The following ST7 variants were observed in gnomAD, a reference collection of about 807,000 sequenced individuals.
The protein encoded by ST7 is suppressor of tumorigenicity 7 protein.
A neutral mutation model predicts 78.7 loss-of-function variants in ST7; 28 were observed. The ratio of observed to expected loss-of-function variants is 0.36; its 90% CI spans 0.26 to 0.49. ST7 has a LOEUF of 0.49. ST7 is among the 20% of genes least tolerant of loss of function. The pLI is 0.99. For synonymous variants in ST7, 247 were observed against 249.6 expected (o/e 0.99, Z 0.10); for missense variants, 418 against 696.0 (o/e 0.60, Z 4.49).
intron 1 of ST7, among the ~76,000 whole-genome samples, chr7:117,083,587 T>G (rs1363735453): frequency 6.6e-6 from 1 of 152,088 alleles, no homozygotes; most frequent in Non-Finnish European, 1.5e-5. Context: ...AATAAGAACA[T>G]AGAATAGAAT....
At chr7:117,087,126 C>G (rs541145686) in intron 1 of ST7, among the ~76,000 whole-genome samples, 1 of 152,256 alleles carries the variant, frequency 6.6e-6, no homozygotes, top group Non-Finnish European at 1.5e-5. Flanking sequence ...AAAAGAAAAA[C>G]CTAACTTTGG....
intron 3 of ST7, 123 bp from the exon 4 acceptor site, chr7:117,129,670 C>T: frequency 1.3e-6 from 1 of 760,290 alleles, no homozygotes; most frequent in Non-Finnish European, 2.2e-6. Flanking sequence ...ACATTGCTTC[C>T]CATGTAAAGG....
rs1416939799 is a variant in ST7, at chr7:117,129,271, T to C, written c.395-522T>C. ...CCTACAATATGGTAATCTTATTAATTTTCTTATTCCTTTCCTGTAAGGCAA... is the reference window on the plus strand; with the variant it reads ...CCTACAATATGGTAATCTTATTAATCTTCTTATTCCTTTCCTGTAAGGCAA... On this transcript the variant is annotated intron_variant, in intron 3 of 15. Transcript: ENST00000323984. Among the ~76,000 whole-genome samples the C allele has an allele frequency of 3.3e-5, 5 of 151,914 alleles. No homozygotes were observed. The East Asian group carries it at 9.7e-4, about 29-fold the overall frequency.
At chr7:117,123,329 G>A (rs1033751749) in intron 3 of ST7, among the ~76,000 whole-genome samples, 3 of 152,154 alleles carry the variant, frequency 2.0e-5, no homozygotes, top group Non-Finnish European at 2.9e-5. Flanking sequence ...TGGGATGGGG[G>A]TGGTGGAGTG....
chr7:117,120,038 C>T (rs1803240217), intron 3 of ST7, among the ~76,000 whole-genome samples: 1 of 151,972 alleles, frequency 6.6e-6, no homozygotes, highest in Admixed American at 6.5e-5. Flanking sequence ...GGGTGATCCT[C>T]CTACCTCTCA....
intron 1 of ST7, among the ~76,000 whole-genome samples, chr7:117,028,861 C>G (rs971997974): frequency 5.9e-5 from 9 of 152,028 alleles, no homozygotes; most frequent in Non-Finnish European, 1.2e-4. Flanking sequence ...ACTTAGGGCT[C>G]AGCTGGGGTT....
At chr7:117,203,275 C>A (rs571939737) in intron 12 of ST7, among the ~76,000 whole-genome samples, 12 of 152,294 alleles carry the variant, frequency 7.9e-5, no homozygotes, top group East Asian at 1.9e-4. Flanking sequence ...AACTGTGTAA[C>A]CCTGAACAAG....
chr7:116,976,466 C>T (rs1415603841), intron 1 of ST7, among the ~76,000 whole-genome samples: 4 of 152,186 alleles, frequency 2.6e-5, no homozygotes, highest in African/African-American at 9.6e-5. Context: ...TGCTCCATGT[C>T]TCTCATTCTC....
intron 1 of ST7, among the ~76,000 whole-genome samples, chr7:117,065,204 CTTTTTT>C (rs11363365): frequency 3.3e-5 from 3 of 91,820 alleles, no homozygotes; most frequent in Non-Finnish European, 4.4e-5. Flanking sequence ...TGGTTCAAGT[CTTTTTT>C]TTTTTTTTTT....
intron 1 of ST7, among the ~76,000 whole-genome samples, chr7:117,087,857 A>G (rs1800282217): frequency 6.6e-6 from 1 of 152,170 alleles, no homozygotes; most frequent in African/African-American, 2.4e-5. Flanking sequence ...CTCTGGTGGT[A>G]TTATAGGCGC....
chr7:116,958,162 ATTTTTT>A (rs34132237), intron 1 of ST7, among the ~76,000 whole-genome samples: 52 of 95,632 alleles, frequency 5.4e-4, no homozygotes, highest in Middle Eastern at 8.6e-3. Context: ...TGCGTGGCTA[ATTTTTT>A]TTTTTTTTTT....
chr7:117,005,754 A>T (rs549845951), intron 1 of ST7, among the ~76,000 whole-genome samples: 1 of 152,320 alleles, frequency 6.6e-6, no homozygotes, highest in South Asian at 2.1e-4. Context: ...CTGGGAAAAA[A>T]TCTAAATTGA....
chr7:117,029,436 G>A (rs1050948662), intron 1 of ST7, among the ~76,000 whole-genome samples: 1 of 151,944 alleles, frequency 6.6e-6, no homozygotes, highest in African/African-American at 2.4e-5. Context: ...TAAAAATGAG[G>A]TTGTCTTCTT....
chr7:117,003,097 T>A (rs1381850662), intron 1 of ST7, among the ~76,000 whole-genome samples: 1 of 151,918 alleles, frequency 6.6e-6, no homozygotes, highest in Non-Finnish European at 1.5e-5. Context: ...GTGCTGGGAT[T>A]ACAGGCGTGA....
intron 1 of ST7, among the ~76,000 whole-genome samples, chr7:117,049,833 C>T (rs1169327450): frequency 6.6e-6 from 1 of 152,080 alleles, no homozygotes; most frequent in Non-Finnish European, 1.5e-5. Context: ...GGGTCCTTTC[C>T]AGCATCACTA....
intron 12 of ST7, among the ~76,000 whole-genome samples, chr7:117,203,372 GAGATAAT>G (rs1038269541): frequency 6.6e-6 from 1 of 152,244 alleles, no homozygotes; most frequent in African/African-American, 2.4e-5. Flanking sequence ...AGGAGTTACT[GAGATAAT>G]GCTTGGCATG....
chr7:116,981,417 T>G (rs763251857), intron 1 of ST7, among the ~76,000 whole-genome samples: 17 of 152,192 alleles, frequency 1.1e-4, no homozygotes, highest in Non-Finnish European at 2.2e-4. Context: ...GCCTCAATGG[T>G]TCCTCATGAT....
At chr7:117,081,232 C>G (rs1324404821) in intron 1 of ST7, among the ~76,000 whole-genome samples, 1 of 152,054 alleles carries the variant, frequency 6.6e-6, no homozygotes, top group East Asian at 1.9e-4. Flanking sequence ...ACTGTAATAG[C>G]TACTGTTTAG....
At chr7:116,998,737 A>G (rs1794795101) in intron 1 of ST7, among the ~76,000 whole-genome samples, 2 of 152,250 alleles carry the variant, frequency 1.3e-5, no homozygotes, top group African/African-American at 4.8e-5. Flanking sequence ...CTGATAATGG[A>G]GAACTAAGCG....
Sources: allele counts gnomAD v4.1 joint callset (sites outside exome capture counted in the v4.1 genomes callset), GRCh38; gene constraint gnomAD v4.1.1; transcripts MANE v1.5; gene names NCBI Gene and HGNC (gene_info 2026-07-23, HGNC 2026-07-21).